Variants in ZNF253 observed in about 807,000 individuals in gnomAD.
The protein encoded by ZNF253 is DNA-binding protein.
In ZNF253, 8 loss-of-function variants were observed where a neutral mutation model predicts 11.9. That is an observed-to-expected ratio of 0.67 (90% CI 0.40 to 1.22). ZNF253 has a LOEUF of 1.22. Ranked by LOEUF, ZNF253 falls within the 50% of genes most tolerant of loss-of-function variation. The pLI is 0.01. For missense variants in ZNF253, 485 were observed against 586.9 expected, an observed-to-expected ratio of 0.83 and a Z score of 1.79; for synonymous variants, 194 against 194.9, an observed-to-expected ratio of 1.00 and a Z score of 0.04.
chr19:19,892,590 G>C lies in ZNF253; in HGVS notation c.1343G>C (p.Gly448Ala), dbSNP rs1278959332. The C allele has an allele frequency of 1.2e-6, 2 of 1,613,832 alleles. No individual in the cohort carries two copies. Among genetic ancestry groups the C allele is most frequent in the African/African-American group, 2.7e-5 (2 of 74,900 alleles). ...ACTACACATAAGAGAATTCATACTGGAGAGAAACCTTACAAATGTGAAGAA... is the reference window on the plus strand; with the variant it reads ...ACTACACATAAGAGAATTCATACTGCAGAGAAACCTTACAAATGTGAAGAA... The part of the protein sequence containing the change: ...TLTTHKRIHT[G>A]EKPYKCEECG... The change falls in exon 4 of 4, where the codon GGA becomes GCA. Residue 448 changes from glycine (G) to alanine (A), a missense_variant. Physicochemically the swap from Gly to Ala is moderately conservative, Grantham distance 60. Transcript: ENST00000589717.
chr19:19,885,986 T>C (rs1483564014), intron 3 of ZNF253, among the ~76,000 whole-genome samples: 1 of 152,220 alleles, frequency 6.6e-6, no homozygotes, highest in East Asian at 1.9e-4. Flanking sequence ...TTTTAGTCTT[T>C]TAAAATTGTT....
At chr19:19,878,428 T>C in intron 1 of ZNF253, 53 bp from the exon 2 acceptor site, 1 of 1,612,566 alleles carries the variant, frequency 6.2e-7, no homozygotes, top group South Asian at 1.1e-5. Context: ...TAAGTCAAAT[T>C]AAAAATTCCT....
intron 1 of ZNF253, among the ~76,000 whole-genome samples, chr19:19,878,145 C>T (rs758781815): frequency 2.0e-5 from 3 of 152,108 alleles, no homozygotes; most frequent in Non-Finnish European, 4.4e-5. Context: ...CCTTCTAACT[C>T]AACACATCTT....
intron 1 of ZNF253, among the ~76,000 whole-genome samples, chr19:19,872,740 G>T (rs1260038819): frequency 2.0e-5 from 3 of 149,746 alleles, no homozygotes; most frequent in Admixed American, 1.3e-4. Context: ...TTGAATCTTT[G>T]CTCCCAGGTT....
In ZNF253 at chr19:19,892,918, C is replaced by T. The variant is rs561221761; in HGVS notation, c.*171C>T. 2 of 613,026 alleles carry T rather than the reference C, an allele frequency of 3.3e-6. No homozygotes were observed. Among genetic ancestry groups the T allele is most frequent in the Admixed American group, 3.3e-5 (1 of 30,468 alleles). 38.0% of individuals were successfully genotyped at this position (613,026 alleles called of 1,614,324 possible). A position where few individuals can be genotyped will look rare whatever the true frequency, so the allele number is the denominator to read the frequency against. ...AACCCTTATTACACATAATTCATAC[C>T]AAACAGAAGCCCTACAAGTGTGAAG... On this transcript the variant is annotated 3_prime_UTR_variant, in exon 4 of 4. Coordinates refer to ENST00000589717, the MANE Select transcript of ZNF253 (RefSeq NM_021047.3).
At position 19,894,282 on chromosome 19, in the gene ZNF253, C is replaced by T. The variant is rs2063245458; in HGVS notation, c.*1535C>T. 1 of 152,232 alleles carries T rather than the reference C, an allele frequency of 6.6e-6. No homozygotes were observed. The highest frequency in any genetic ancestry group is 1.9e-4 in the East Asian group (1 of 5,194). The allele number at this position is 152,232 out of a possible 1,614,324, so 9.4% of individuals were successfully genotyped here. A position where few individuals can be genotyped will look rare whatever the true frequency, so the allele number is the denominator to read the frequency against. ...TTGAAAAGTGAATAATGATATAATA[C>T]AGCTTTCACATTGCTTTATGCTATT... On this transcript the variant is annotated 3_prime_UTR_variant, in exon 4 of 4. Coordinates refer to ENST00000589717, the MANE Select transcript of ZNF253 (RefSeq NM_021047.3).
At chr19:19,872,582 A>G (rs1404924010) in intron 1 of ZNF253, among the ~76,000 whole-genome samples, 1 of 98,794 alleles carries the variant, frequency 1.0e-5, no homozygotes, top group Non-Finnish European at 1.7e-5. Context: ...TATATATATT[A>G]TTATATATAT....
chr19:19,881,475 C>T (rs188340976), intron 3 of ZNF253, among the ~76,000 whole-genome samples: 1 of 151,662 alleles, frequency 6.6e-6, no homozygotes, highest in Non-Finnish European at 1.5e-5. Context: ...ATAGAGAAAC[C>T]CTGTCTCTGC....
rs1162456298 is a variant in ZNF253, at chr19:19,885,216, ATTCTTTCTTTCTTTCT to A, written c.226+5131_226+5146del. ...GACCAATGTCATGTCTTTTTTTTGT[ATTCTTTCTTTCTTTCT>A]TTCTTTCTTTCTTTCTTTCTTTCTT... On this transcript the variant is annotated intron_variant, in intron 3 of 3. Transcript: ENST00000589717. 9.3e-3 allele frequency among the ~76,000 whole-genome samples: 644 copies of A among 69,280 alleles called. 40 individuals carry two copies. Among genetic ancestry groups the A allele is most frequent in the Middle Eastern group, 0.021 (3 of 146 alleles). 45.5% of individuals were successfully genotyped at this position (69,280 alleles called of 152,430 possible).
At chr19:19,865,875 G>T (rs2063108163), upstream of ZNF253, 4 of 1,267,694 alleles carry the variant, frequency 3.2e-6, no homozygotes, top group Non-Finnish European at 4.6e-6. Context: ...TGCAGCGGGA[G>T]CTCCAGGTTT....
At chr19:19,881,726 CTG>C (rs1164495228) in intron 3 of ZNF253, among the ~76,000 whole-genome samples, 3 of 150,980 alleles carry the variant, frequency 2.0e-5, no homozygotes, top group African/African-American at 4.9e-5. Flanking sequence ...AATTTACTGA[CTG>C]TATTTATTAG....
chr19:19,891,982 A>G lies in ZNF253; in HGVS notation c.735A>G (p.Thr245=). ...TTAAGCAGTCCTCAAACCTTACTAC[A>G]CATAAGAAAATTCATACTGGAGAGA... is the stretch of plus-strand genomic sequence containing the variant. The part of the protein sequence containing the change: ...KAFKQSSNLT[T]HKKIHTGEKP... Residue 245 remains threonine (T), a synonymous_variant, in exon 4 of 4, where the codon ACA becomes ACG. Transcript: ENST00000589717. The G allele has an allele frequency of 2.5e-6, 4 of 1,613,956 alleles. No homozygotes were observed. In the South Asian group the frequency reaches 4.4e-5, roughly 18 times the overall value.
intron 3 of ZNF253, among the ~76,000 whole-genome samples, chr19:19,883,446 A>G (rs558360711): frequency 1.3e-5 from 2 of 152,180 alleles, no homozygotes; most frequent in South Asian, 4.2e-4. Flanking sequence ...ACCTCTCTCT[A>G]TAAAAAAAAT....
At chr19:19,889,648 C>CT (rs935971944) in intron 3 of ZNF253, among the ~76,000 whole-genome samples, 1 of 143,598 alleles carries the variant, frequency 7.0e-6, no homozygotes, top group African/African-American at 2.5e-5. Flanking sequence ...TCCTGTCCTA[C>CT]TTTATTTTTT....
At chr19:19,869,420 A>G (rs1290002765) in intron 1 of ZNF253, among the ~76,000 whole-genome samples, 2 of 151,930 alleles carry the variant, frequency 1.3e-5, no homozygotes, top group Admixed American at 1.3e-4. Flanking sequence ...GATGGTGTGC[A>G]ATGGTTTGAT....
rs537783865 is a variant in ZNF253, at chr19:19,881,836, G to A, written c.226+1690G>A. Among the ~76,000 whole-genome samples the A allele has an allele frequency of 2.1e-5, 3 of 141,512 alleles. No homozygotes were observed. The South Asian group carries it at 6.7e-4, about 32-fold the overall frequency. The allele number at this position is 141,512 out of a possible 152,430, so 92.8% of individuals were successfully genotyped here. A position where few individuals can be genotyped will look rare whatever the true frequency, so the allele number is the denominator to read the frequency against. On this transcript the variant is annotated intron_variant, in intron 3 of 3. Coordinates refer to ENST00000589717, the MANE Select transcript of ZNF253 (RefSeq NM_021047.3). ...TTACTTACTGTTTTTCAATTTCAAT[G>A]GATTTTTTTTTATTTCTTTGACTAA...
chr19:19,885,380 CTTTT>C (rs1260347724), intron 3 of ZNF253, among the ~76,000 whole-genome samples: 1 of 58,276 alleles, frequency 1.7e-5, no homozygotes, highest in Non-Finnish European at 2.8e-5. Context: ...TCTTTTCTTT[CTTTT>C]CTTTCTTTTC....
chr19:19,867,145 A>C (rs1250490394), intron 1 of ZNF253, among the ~76,000 whole-genome samples: 1 of 152,192 alleles, frequency 6.6e-6, no homozygotes, highest in Non-Finnish European at 1.5e-5. Flanking sequence ...GTTGAAGACC[A>C]GCCTGGCCAA....
intron 3 of ZNF253, among the ~76,000 whole-genome samples, chr19:19,888,504 T>G (rs2063215758): frequency 6.6e-6 from 1 of 152,076 alleles, no homozygotes; most frequent in African/African-American, 2.4e-5. Context: ...GGCAGGTAGT[T>G]TCTTAGTGGT....
Sources: allele counts gnomAD v4.1 joint callset (sites outside exome capture counted in the v4.1 genomes callset), GRCh38; gene constraint gnomAD v4.1.1; transcripts MANE v1.5; gene names NCBI Gene and HGNC (gene_info 2026-07-23, HGNC 2026-07-21).